Variants in FAM193A observed in about 807,000 individuals in gnomAD.
FAM193A encodes family with sequence similarity 193 member A, also known as protein FAM193A.
In FAM193A, 22 loss-of-function variants were observed where a neutral mutation model predicts 126.5. The ratio of observed to expected loss-of-function variants is 0.17; its 90% CI spans 0.12 to 0.25. FAM193A has a LOEUF of 0.25. Among genes scored for constraint, FAM193A ranks in the 10% least tolerant of loss-of-function variants. The pLI is 1.00. For missense variants in FAM193A, 1,675 were observed against 1,672.8 expected, an observed-to-expected ratio of 1.00 and a Z score of -0.02; for synonymous variants, 761 against 646.8, an observed-to-expected ratio of 1.18 and a Z score of -2.68.
chr4:2,717,082 C>T (rs150007302), intron 20 of FAM193A, among the ~76,000 whole-genome samples: 2 of 152,098 alleles, frequency 1.3e-5, no homozygotes, highest in Non-Finnish European at 2.9e-5. Flanking sequence ...TACGTTCAAG[C>T]GATTCTCCTG....
intron 1 of FAM193A, among the ~76,000 whole-genome samples, chr4:2,552,616 C>G (rs1158164790): frequency 6.6e-6 from 1 of 152,020 alleles, no homozygotes; most frequent in African/African-American, 2.4e-5. Context: ...CTGCTCACTG[C>G]AAGCTCCGCC....
chr4:2,560,509 G>A (rs1178890712), intron 1 of FAM193A, among the ~76,000 whole-genome samples: 1 of 152,296 alleles, frequency 6.6e-6, no homozygotes, highest in South Asian at 2.1e-4. Context: ...TTTGATGTGA[G>A]CTTCTGCATT....
At position 2,700,288 on chromosome 4, in the gene FAM193A, G is replaced by C; in HGVS notation, c.4116G>C (p.Glu1372Asp). ...AGTCCAAGCCCCGGGCCCAGACTGA[G>C]TCAAAGGCTAAGGTGGTCGACCTCA... is the stretch of plus-strand genomic sequence containing the variant. ...EGQSKPRAQTESKAKVVDLMS... is the reference protein window; with the variant it reads ...EGQSKPRAQTDSKAKVVDLMS... Residue 1372 changes from glutamate to aspartate, a missense_variant, in exon 19 of 21, where the codon GAG becomes GAC. Around this residue, in one of 4 missense-constraint regions of FAM193A, gnomAD observed 415 missense variants for 396.7 expected, o/e 1.05. Transcript: ENST00000637812. 6.2e-7 allele frequency: 1 copy of C among 1,614,108 alleles called. No homozygotes were observed. Among genetic ancestry groups the C allele is most frequent in the Non-Finnish European group, 8.5e-7 (1 of 1,180,038 alleles).
intron 20 of FAM193A, among the ~76,000 whole-genome samples, chr4:2,725,764 T>C (rs1307841498): frequency 2.0e-5 from 3 of 151,648 alleles, no homozygotes; most frequent in Non-Finnish European, 4.4e-5. Context: ...CAGGCCGGAG[T>C]GCAGTGGTAT....
intron 12 of FAM193A, among the ~76,000 whole-genome samples, chr4:2,669,563 C>T (rs916857763): frequency 6.6e-6 from 1 of 152,186 alleles, no homozygotes; most frequent in African/African-American, 2.4e-5. Flanking sequence ...GAGACAAGAT[C>T]GCGCCATTGC....
intron 19 of FAM193A, among the ~76,000 whole-genome samples, chr4:2,701,383 T>G (rs1337618490): frequency 6.6e-6 from 1 of 152,084 alleles, no homozygotes; most frequent in Non-Finnish European, 1.5e-5. Flanking sequence ...TTGGATCGGT[T>G]TCTCTGTTTT....
chr4:2,708,203 GC>G, intron 19 of FAM193A: 1 of 444,290 alleles, frequency 2.3e-6, no homozygotes, highest in South Asian at 1.6e-5. Flanking sequence ...TTGGCTCACT[GC>G]AACCTTCGCC....
At chr4:2,614,558 A>G (rs551329874) in intron 2 of FAM193A, among the ~76,000 whole-genome samples, 1 of 152,202 alleles carries the variant, frequency 6.6e-6, no homozygotes, top group African/African-American at 2.4e-5. Context: ...GAAGGATATT[A>G]GTCTATAAAT....
intron 1 of FAM193A, among the ~76,000 whole-genome samples, chr4:2,563,608 T>C (rs549290544): frequency 6.6e-6 from 1 of 152,252 alleles, no homozygotes; most frequent in Admixed American, 6.5e-5. Context: ...ATGCTAATAG[T>C]GTGTGTGGAA....
At chr4:2,608,307 T>C (rs1343356577) in intron 2 of FAM193A, among the ~76,000 whole-genome samples, 1 of 152,124 alleles carries the variant, frequency 6.6e-6, no homozygotes, top group African/African-American at 2.4e-5. Flanking sequence ...GTCTCCTGAG[T>C]AGCTGGGACT....
At chr4:2,671,868 T>C (rs1185619012) in intron 12 of FAM193A, among the ~76,000 whole-genome samples, 1 of 152,178 alleles carries the variant, frequency 6.6e-6, no homozygotes, top group Non-Finnish European at 1.5e-5. Flanking sequence ...GGCATAGGAT[T>C]CAGAACCAGT....
chr4:2,704,834 T>C (rs1392341502), intron 19 of FAM193A, among the ~76,000 whole-genome samples: 1 of 152,220 alleles, frequency 6.6e-6, no homozygotes. Flanking sequence ...CTATTTCTTT[T>C]TGTGTGTATG....
chr4:2,596,665 C>T (rs536388965), intron 2 of FAM193A, among the ~76,000 whole-genome samples: 1 of 152,190 alleles, frequency 6.6e-6, no homozygotes, highest in East Asian at 1.9e-4. Flanking sequence ...CTCAACAATT[C>T]GACATGCAGG....
intron 19 of FAM193A, among the ~76,000 whole-genome samples, chr4:2,706,427 G>A (rs1383821272): frequency 6.6e-6 from 1 of 150,484 alleles, no homozygotes; most frequent in South Asian, 2.1e-4. Flanking sequence ...CTCCCAAGTA[G>A]CTGGGATTAC....
chr4:2,581,397 G>A (rs1037814029), intron 1 of FAM193A, among the ~76,000 whole-genome samples: 7 of 151,180 alleles, frequency 4.6e-5, no homozygotes, highest in Non-Finnish European at 7.4e-5. Flanking sequence ...GGGATTACAG[G>A]TGCATGCCAC....
At chr4:2,654,797 G>A (rs1711508682) in intron 7 of FAM193A, 1 of 306,630 alleles carries the variant, frequency 3.3e-6, no homozygotes, top group Non-Finnish European at 6.0e-6. Flanking sequence ...CCCATTTTGT[G>A]CCTCCATAGT....
chr4:2,617,590 T>G (rs1398676076), intron 2 of FAM193A, among the ~76,000 whole-genome samples: 1 of 151,968 alleles, frequency 6.6e-6, no homozygotes, highest in Non-Finnish European at 1.5e-5. Context: ...TCTTTCATTT[T>G]GTCTCCTGTT....
intron 1 of FAM193A, among the ~76,000 whole-genome samples, chr4:2,584,961 C>T (rs1255110686): frequency 6.6e-6 from 1 of 151,982 alleles, no homozygotes; most frequent in Non-Finnish European, 1.5e-5. Flanking sequence ...AACTAAACAT[C>T]CCAACACTAT....
At chr4:2,562,525 T>G (rs1279219534) in intron 1 of FAM193A, among the ~76,000 whole-genome samples, 1 of 152,198 alleles carries the variant, frequency 6.6e-6, no homozygotes, top group Non-Finnish European at 1.5e-5. Flanking sequence ...TAAGGAGTGA[T>G]GATCCCTTAG....
Sources: allele counts gnomAD v4.1 joint callset (sites outside exome capture counted in the v4.1 genomes callset), GRCh38; gene constraint gnomAD v4.1.1; regional missense constraint gnomAD v4.1.1; transcripts MANE v1.5; gene names NCBI Gene and HGNC (gene_info 2026-07-23, HGNC 2026-07-21).